Variants in HECW1 observed in about 807,000 individuals in gnomAD.
The protein encoded by HECW1 is HECT, C2 and WW domain containing E3 ubiquitin protein ligase 1, also known as E3 ubiquitin-protein ligase HECW1.
In HECW1, 61 loss-of-function variants were observed where a neutral mutation model predicts 182.3. That is an observed-to-expected ratio of 0.33 (90% CI 0.27 to 0.41). HECW1 has a LOEUF of 0.41. Ranked by LOEUF, HECW1 falls within the 10% of genes least tolerant of loss-of-function variation. The pLI, the probability that HECW1 is intolerant of heterozygous loss-of-function variation, is 1.00. For missense variants in HECW1, 1,739 were observed against 2,108.9 expected, an observed-to-expected ratio of 0.82 and a Z score of 3.44; for synonymous variants, 859 against 832.6, an observed-to-expected ratio of 1.03 and a Z score of -0.55.
rs1007376727 is a variant in HECW1, at chr7:43,293,151, C to A, written c.28-18612C>A. Among the ~76,000 whole-genome samples the A allele has an allele frequency of 2.2e-5, 3 of 138,186 alleles. No individual in the cohort carries two copies. In the South Asian group the frequency reaches 7.0e-4, roughly 32 times the overall value. The allele number at this position is 138,186 out of a possible 152,430, so 90.7% of individuals were successfully genotyped here. A position where few individuals can be genotyped will look rare whatever the true frequency, so the allele number is the denominator to read the frequency against. On this transcript the variant is annotated intron_variant, in intron 3 of 29. Transcript: ENST00000395891. ...AGAAGAATCGCTTGAACCCGGGAGG[C>A]GGAGGTTGCAGTAAGCCGAGATTGT...
intron 26 of HECW1, among the ~76,000 whole-genome samples, 167 bp downstream of exon 26, chr7:43,542,165 A>G (rs2081385437): frequency 6.6e-6 from 1 of 152,130 alleles, no homozygotes; most frequent in Non-Finnish European, 1.5e-5. Context: ...TGCAAAACAG[A>G]AACTGTACCC....
chr7:43,229,156 G>A (rs189656559), intron 2 of HECW1, among the ~76,000 whole-genome samples: 4 of 152,258 alleles, frequency 2.6e-5, no homozygotes, highest in South Asian at 2.1e-4. Flanking sequence ...ATACGTTTCC[G>A]GTGTTGAGCT....
intron 5 of HECW1, among the ~76,000 whole-genome samples, chr7:43,329,464 A>T (rs1811191423): frequency 6.6e-6 from 1 of 152,082 alleles, no homozygotes; most frequent in African/African-American, 2.4e-5. Flanking sequence ...AGAAACAAAG[A>T]ACACCTGGAA....
chr7:43,264,616 CG>C (rs1484140819), intron 3 of HECW1, among the ~76,000 whole-genome samples: 2 of 152,012 alleles, frequency 1.3e-5, no homozygotes, highest in Non-Finnish European at 2.9e-5. Context: ...GAGGCCAAGG[CG>C]GGCAGATCAC....
intron 24 of HECW1, among the ~76,000 whole-genome samples, chr7:43,531,956 C>T (rs942954800): frequency 3.3e-5 from 5 of 152,326 alleles, no homozygotes; most frequent in South Asian, 4.1e-4. Flanking sequence ...TGCATCCTGA[C>T]GGCCCCACAG....
chr7:43,212,846 C>T (rs1197482683), intron 2 of HECW1, among the ~76,000 whole-genome samples: 1 of 152,064 alleles, frequency 6.6e-6, no homozygotes, highest in Non-Finnish European at 1.5e-5. Flanking sequence ...AGACATTTTT[C>T]TGAAAAAGAT....
rs567303973 is a variant in HECW1, at chr7:43,251,363, G to A, written c.27+7431G>A. Among the ~76,000 whole-genome samples the A allele has an allele frequency of 1.8e-4, 28 of 152,234 alleles. No individual in the cohort carries two copies. In the South Asian group the frequency reaches 4.6e-3, roughly 25 times the overall value. On this transcript the variant is annotated intron_variant, in intron 3 of 29. Transcript: ENST00000395891. ...CTCACTCTATCACCCAGACTGGAGT[G>A]CGATAGCGCGGCCTTGGCTCACTGC...
rs938788564 is a variant in HECW1, at chr7:43,274,601, G to C, written c.27+30669G>C. ...CTTTTAGGTGCAGGTTCCTCGCCCC[G>C]GGTGTGCCCCAAATAAACTCAGGAA... On this transcript the variant is annotated intron_variant, in intron 3 of 29. Transcript: ENST00000395891. 7.1e-6 allele frequency: 3 copies of C among 425,100 alleles called. No individual in the cohort carries two copies. The East Asian group carries it at 2.0e-4, about 28-fold the overall frequency. The allele number at this position is 425,100 out of a possible 1,614,324, so 26.3% of individuals were successfully genotyped here.
At chr7:43,525,632 C>G (rs2080727337) in intron 24 of HECW1, among the ~76,000 whole-genome samples, 1 of 152,138 alleles carries the variant, frequency 6.6e-6, no homozygotes, top group East Asian at 1.9e-4. Context: ...AGGTACAATC[C>G]TAATCAAATT....
intron 14 of HECW1, among the ~76,000 whole-genome samples, chr7:43,466,168 AGAAG>A (rs1402114005): frequency 4.0e-5 from 6 of 150,028 alleles, no homozygotes; most frequent in East Asian, 2.0e-4. Context: ...AAGGAAGGAA[AGAAG>A]GAAGGAAGGG....
At chr7:43,114,562 G>C (rs891754464) in intron 2 of HECW1, among the ~76,000 whole-genome samples, 171 bp downstream of exon 2, 5 of 152,198 alleles carry the variant, frequency 3.3e-5, no homozygotes, top group African/African-American at 1.2e-4. Flanking sequence ...CCCTCCGCTT[G>C]CTGCTTCCTC....
At chr7:43,254,718 C>T (rs750322312) in intron 3 of HECW1, among the ~76,000 whole-genome samples, 1 of 152,192 alleles carries the variant, frequency 6.6e-6, no homozygotes, top group Non-Finnish European at 1.5e-5. Flanking sequence ...CTCAGCTGCA[C>T]CTCAGTTTAA....
intron 3 of HECW1, among the ~76,000 whole-genome samples, chr7:43,282,845 C>T (rs779977603): frequency 2.0e-5 from 3 of 152,032 alleles, no homozygotes; most frequent in South Asian, 2.1e-4. Flanking sequence ...TGGCTGGGTG[C>T]GGTGGCTCAC....
intron 8 of HECW1, among the ~76,000 whole-genome samples, chr7:43,434,889 G>A (rs78482646): frequency 0.14 from 20,772 of 152,140 alleles, 1,722 homozygotes; most frequent in Middle Eastern, 0.21. Context: ...AGGTGATTAC[G>A]TTTTTCCTTG....
At chr7:43,488,468 G>GAAAGAAAGA (rs2078789457) in intron 17 of HECW1, among the ~76,000 whole-genome samples, 2 of 147,774 alleles carry the variant, frequency 1.4e-5, no homozygotes, top group Non-Finnish European at 3.0e-5. Flanking sequence ...AAGAAAGAAA[G>GAAAGAAAGA]AAAGAAAGAA....
At chr7:43,479,950 G>A (rs1458734292) in intron 17 of HECW1, among the ~76,000 whole-genome samples, 2 of 152,122 alleles carry the variant, frequency 1.3e-5, no homozygotes, top group African/African-American at 4.8e-5. Context: ...TTTCTGCCTT[G>A]CCTTTTGTCC....
rs73322388 is a variant in HECW1 at position 43,343,192 on chromosome 7, T to A, written c.461-17694T>A. On this transcript the variant is annotated intron_variant, in intron 5 of 29. Transcript: ENST00000395891. The stretch of plus-strand genomic sequence containing the variant: ...TTTGCATTGCAGATATTGTAACACC[T>A]GAGTAGCTAAAAACTTGCCATGATG... 4.9e-3 allele frequency among the ~76,000 whole-genome samples: 745 copies of A among 151,766 alleles called. 24 individuals carry two copies. Among genetic ancestry groups the A allele is most frequent in the African/African-American group, 0.017 (715 of 41,096 alleles).
rs540611562 is a variant in HECW1 at position 43,243,168 on chromosome 7, G to A, written c.-31-707G>A. 5.9e-5 allele frequency among the ~76,000 whole-genome samples: 9 copies of A among 152,226 alleles called. No homozygotes were observed. The East Asian group carries it at 7.7e-4, about 13-fold the overall frequency. Reference sequence around the variant, plus strand: ...GAGGTTATAAAATCAGAATAAAGACGTATGAACCAAAACAATACCTGGATT... The same window carrying A: ...GAGGTTATAAAATCAGAATAAAGACATATGAACCAAAACAATACCTGGATT... On this transcript the variant is annotated intron_variant, in intron 2 of 29. Transcript: ENST00000395891. The surrounding 1 kb of genome is among the most constrained non-coding windows in gnomAD (Gnocchi z 4.0).
intron 2 of HECW1, among the ~76,000 whole-genome samples, chr7:43,226,043 G>T (rs963664501): frequency 1.3e-5 from 2 of 152,148 alleles, no homozygotes; most frequent in Non-Finnish European, 2.9e-5. Context: ...AAAGTACTGG[G>T]ATTATAGGTG....
Sources: allele counts gnomAD v4.1 joint callset (sites outside exome capture counted in the v4.1 genomes callset), GRCh38; gene constraint gnomAD v4.1.1; non-coding constraint Gnocchi (gnomAD v3.1); transcripts MANE v1.5; gene names NCBI Gene and HGNC (gene_info 2026-07-23, HGNC 2026-07-21).